NOTCH4: variants seen among roughly 807,000 people sequenced by gnomAD.
The protein encoded by NOTCH4 is notch receptor 4, also known as neurogenic locus notch homolog protein 4.
NOTCH4 carries 138 observed loss-of-function variants against 189.0 expected under a neutral mutation model. The observed-to-expected ratio is 0.73, with a 90% CI of 0.64 to 0.84. The LOEUF (loss-of-function observed/expected upper bound fraction) is 0.84, where lower values mean the gene tolerates loss of function less well. NOTCH4 is among the 40% of genes least tolerant of loss of function. The pLI is 0.00. For missense variants in NOTCH4, 2,286 were observed against 2,605.4 expected (o/e 0.88, Z 2.67); for synonymous variants, 942 against 1,032.8 (o/e 0.91, Z 1.69).
chr6:32,210,620 A>G lies in NOTCH4; in HGVS notation c.2865+132T>C. ...GATAAAGTGGCATGACTTTGTGGTT[A>G]GTTGGGTGTGTGGGGTTAAAAAAAA... is the stretch of plus-strand genomic sequence containing the variant. On this transcript the variant is annotated intron_variant, in intron 18 of 29. Coordinates refer to ENST00000375023, the MANE Select transcript of NOTCH4 (RefSeq NM_004557.4). The surrounding 1 kb of genome is among the most constrained non-coding windows in gnomAD (Gnocchi z 4.8). 1.2e-6 allele frequency: 1 copy of G among 813,396 alleles called. No individual in the cohort carries two copies. Among genetic ancestry groups the G allele is most frequent in the Non-Finnish European group, 2.0e-6 (1 of 502,498 alleles). The allele number at this position is 813,396 out of a possible 1,614,324, so 50.4% of individuals were successfully genotyped here.
At chr6:32,205,211 A>G (rs55982600) in intron 18 of NOTCH4, among the ~76,000 whole-genome samples, 1 of 151,582 alleles carries the variant, frequency 6.6e-6, no homozygotes, top group Non-Finnish European at 1.5e-5. Flanking sequence ...GAGAGCTGGA[A>G]GGAACAGGTG....
Position 32,203,669 on chromosome 6 carries a change from A to G in NOTCH4, c.3231+101T>C, listed in dbSNP as rs1165199904. 9.7e-6 allele frequency: 8 copies of G among 825,824 alleles called. No homozygotes were observed. In the South Asian group the frequency reaches 1.6e-4, roughly 17 times the overall value. 51.2% of individuals were successfully genotyped at this position (825,824 alleles called of 1,614,324 possible). Reference sequence around the variant, plus strand: ...GGCATGGCTTTTTCCAATAATTTCCACATCAGTGCTCACCCACAGTCCCTT... The same window carrying G: ...GGCATGGCTTTTTCCAATAATTTCCGCATCAGTGCTCACCCACAGTCCCTT... On this transcript the variant is annotated intron_variant, in intron 20 of 29. Transcript: ENST00000375023.
In NOTCH4 at chr6:32,195,091, C is replaced by T; in HGVS notation, c.*346G>A. ...CAGTGGGGACAATGGATCATAGGGGCACCCTTTGGAAACCATATATAGGAA... is the reference window on the plus strand; with the variant it reads ...CAGTGGGGACAATGGATCATAGGGGTACCCTTTGGAAACCATATATAGGAA... On this transcript the variant is annotated 3_prime_UTR_variant, in exon 30 of 30. Transcript: ENST00000375023. The surrounding 1 kb of genome is among the most constrained non-coding windows in gnomAD (Gnocchi z 5.4). The T allele has an allele frequency of 6.5e-6, 2 of 309,980 alleles. No individual in the cohort carries two copies. Among genetic ancestry groups the T allele is most frequent in the Non-Finnish European group, 1.2e-5 (2 of 166,848 alleles). 19.2% of individuals were successfully genotyped at this position (309,980 alleles called of 1,614,324 possible). A position where few individuals can be genotyped will look rare whatever the true frequency, so the allele number is the denominator to read the frequency against.
intron 17 of NOTCH4, among the ~76,000 whole-genome samples, chr6:32,211,258 T>TCAAACAAA (rs56957733): frequency 0.029 from 4,300 of 146,054 alleles, 75 homozygotes; most frequent in Non-Finnish European, 0.041. Context: ...AGACTCCATC[T>TCAAACAAA]CAAACAAACA....
chr6:32,219,457 G>A (rs1188481978), intron 8 of NOTCH4, 135 bp downstream of exon 8: 7 of 794,344 alleles, frequency 8.8e-6, no homozygotes, highest in South Asian at 1.8e-5. Flanking sequence ...GTTTTCGTCT[G>A]GGGGTAGAGA....
intron 1 of NOTCH4, 124 bp downstream of exon 1, chr6:32,223,732 G>A (rs1032015298): frequency 5.1e-6 from 5 of 978,142 alleles, no homozygotes; most frequent in Non-Finnish European, 7.6e-6. Flanking sequence ...CTCTATTTGG[G>A]CAGTGAGAAT....
At position 32,213,405 on chromosome 6, in the gene NOTCH4, G is replaced by A. The variant is rs206016; in HGVS notation, c.2321-153C>T. Among the ~76,000 whole-genome samples, 21,875 of 151,718 alleles carry A rather than the reference G, an allele frequency of 0.14. 1,860 individuals are homozygous for A. The highest frequency in any genetic ancestry group is 0.3 in the East Asian group (1,567 of 5,154). On this transcript the variant is annotated intron_variant, in intron 14 of 29. Transcript: ENST00000375023. The stretch of plus-strand genomic sequence containing the variant: ...ATTTTTATTTATATGATATTTTATT[G>A]TTTTTAGATAGGGTCTTGCTCTGTT...
In NOTCH4 at chr6:32,195,573, C is replaced by T. The variant is rs1369759503; in HGVS notation, c.5876G>A (p.Cys1959Tyr). 6.2e-7 allele frequency: 1 copy of T among 1,613,118 alleles called. No individual in the cohort carries two copies. The change falls in exon 30 of 30, where the codon TGC (cysteine) becomes TAC (tyrosine). Residue 1959 changes from cysteine (C) to tyrosine (Y), a missense_variant. Around this residue, in one of 2 missense-constraint regions of NOTCH4, gnomAD observed 383 missense variants for 343.5 expected, o/e 1.11. Coordinates refer to ENST00000375023, the MANE Select transcript of NOTCH4 (RefSeq NM_004557.4). This position sits in a 1 kb window ranked among gnomAD's most constrained non-coding sequence, Gnocchi z 5.4. Reference sequence around the variant, plus strand: ...GATCGGAATGTTGGAGGCAGAACCGCAAGCTCCCAGGGCCACCCAATCACA... The same window carrying T: ...GATCGGAATGTTGGAGGCAGAACCGTAAGCTCCCAGGGCCACCCAATCACA... ...WPCDWVALGA[C>Y]GSASNIPIPP...
At position 32,199,392 on chromosome 6, in the gene NOTCH4, C is replaced by T. The variant is rs1788193849; in HGVS notation, c.4316-247G>A. ...GACCAGCCTGGCCAACATGGCAAAACCCCCTCTCTACTAAAAATATAAAAA... is the reference window on the plus strand; with the variant it reads ...GACCAGCCTGGCCAACATGGCAAAATCCCCTCTCTACTAAAAATATAAAAA... On this transcript the variant is annotated intron_variant, in intron 23 of 29. Transcript: ENST00000375023. The surrounding 1 kb of genome is among the most constrained non-coding windows in gnomAD (Gnocchi z 4.9). 6.6e-6 allele frequency among the ~76,000 whole-genome samples: 1 copy of T among 152,114 alleles called. No homozygotes were observed. The highest frequency in any genetic ancestry group is 2.1e-4 in the South Asian group (1 of 4,832).
In NOTCH4 at chr6:32,195,633, C is replaced by CGGGCG; in HGVS notation, c.5815_5816insCGCCC (p.Gly1939AlafsTer59). 6.2e-7 allele frequency: 1 copy of CGGGCG among 1,612,980 alleles called. No homozygotes were observed. The highest frequency in any genetic ancestry group is 8.5e-7 in the Non-Finnish European group (1 of 1,179,954). ...ATCCGTTGAGACCCTGCCTCCGCGC[C>CGGGCG]CGGCAGCCACTCCGTATCTTCCTCG... On this transcript the variant is annotated frameshift_variant, in exon 30 of 30. Coordinates refer to ENST00000375023, the MANE Select transcript of NOTCH4 (RefSeq NM_004557.4). LOFTEE classifies it low-confidence loss of function (END_TRUNC). The surrounding 1 kb of genome is among the most constrained non-coding windows in gnomAD (Gnocchi z 5.4).
Position 32,196,991 on chromosome 6 carries a change from C to T in NOTCH4, c.5134G>A (p.Ala1712Thr), listed in dbSNP as rs1305365870. 1.2e-6 allele frequency: 2 copies of T among 1,612,932 alleles called. No homozygotes were observed. Among genetic ancestry groups the T allele is most frequent in the African/African-American group, 2.7e-5 (2 of 74,920 alleles). The change falls in exon 28 of 30, where the codon GCG (alanine) becomes ACG (threonine). Residue 1712 changes from alanine (A) to threonine (T), a missense_variant. By Grantham distance (58) the Ala-to-Thr change is moderately conservative (BLOSUM62 0). Around this residue, in one of 2 missense-constraint regions of NOTCH4, gnomAD observed 1,903 missense variants for 2,261.9 expected, o/e 0.84. Coordinates refer to ENST00000375023, the MANE Select transcript of NOTCH4 (RefSeq NM_004557.4). ...AGTTCTTCAACCAGGTCTTCCACCGCCAGCCTGGCAGCCAGCATCAAGGGT... is the reference window on the plus strand; with the variant it reads ...AGTTCTTCAACCAGGTCTTCCACCGTCAGCCTGGCAGCCAGCATCAAGGGT... ...TTPLMLAARL[A>T]VEDLVEELIA...
chr6:32,214,828 G>A (rs1031618865), intron 12 of NOTCH4, among the ~76,000 whole-genome samples: 3 of 152,114 alleles, frequency 2.0e-5, no homozygotes, highest in African/African-American at 7.2e-5. Context: ...GTTTCACCAT[G>A]TTGGCCAGGC....
chr6:32,214,583 T>A (rs528974758), intron 12 of NOTCH4, among the ~76,000 whole-genome samples: 1 of 152,098 alleles, frequency 6.6e-6, no homozygotes, highest in Admixed American at 6.6e-5. Context: ...TGCTTTGTGT[T>A]TCCCCCAGGG....
chr6:32,207,547 T>A (rs1162814538), intron 18 of NOTCH4, among the ~76,000 whole-genome samples: 3 of 150,664 alleles, frequency 2.0e-5, no homozygotes, highest in Admixed American at 6.6e-5. Flanking sequence ...TCAGTTGAAC[T>A]TGGGAGGTGG....
In NOTCH4 at chr6:32,198,806, C is replaced by G; in HGVS notation, c.4536-76G>C. The G allele has an allele frequency of 6.7e-7, 1 of 1,498,308 alleles. No individual in the cohort carries two copies. The highest frequency in any genetic ancestry group is 9.0e-7 in the Non-Finnish European group (1 of 1,107,076). The allele number at this position is 1,498,308 out of a possible 1,614,324, so 92.8% of individuals were successfully genotyped here. On this transcript the variant is annotated intron_variant, in intron 24 of 29. Coordinates refer to ENST00000375023, the MANE Select transcript of NOTCH4 (RefSeq NM_004557.4). The surrounding 1 kb of genome is among the most constrained non-coding windows in gnomAD (Gnocchi z 5.5). Reference sequence around the variant, plus strand: ...TCTCCAAAATTTCCAGCAGGCTTCCCACCCCTCTCTCCTTCCCCTATCTTT... The same window carrying G: ...TCTCCAAAATTTCCAGCAGGCTTCCGACCCCTCTCTCCTTCCCCTATCTTT...
rs1789488282 is a variant in NOTCH4 at position 32,217,468 on chromosome 6, G to T, written c.1625-202C>A. On this transcript the variant is annotated intron_variant, in intron 9 of 29. Transcript: ENST00000375023. The surrounding 1 kb of genome is among the most constrained non-coding windows in gnomAD (Gnocchi z 4.2). Reference sequence around the variant, plus strand: ...CAGCTGTGTGACTTTGGGCAAGCTGGTCAACCCTCTAGGCCCCAGTTTCCT... The same window carrying T: ...CAGCTGTGTGACTTTGGGCAAGCTGTTCAACCCTCTAGGCCCCAGTTTCCT... Among the ~76,000 whole-genome samples the T allele has an allele frequency of 6.6e-6, 1 of 152,162 alleles. No individual in the cohort carries two copies. Among genetic ancestry groups the T allele is most frequent in the African/African-American group, 2.4e-5 (1 of 41,432 alleles).
chr6:32,211,392 C>T (rs552648100), intron 17 of NOTCH4, among the ~76,000 whole-genome samples: 5 of 151,170 alleles, frequency 3.3e-5, no homozygotes, highest in Admixed American at 3.3e-4. Context: ...GAGTTCGAGA[C>T]CAGTCTGGCC....
Position 32,213,124 on chromosome 6 carries a change from GC to G in NOTCH4, c.2438+10del. 2 of 1,599,762 alleles carry G rather than the reference GC, an allele frequency of 1.3e-6. No homozygotes were observed. Among genetic ancestry groups the G allele is most frequent in the Non-Finnish European group, 1.7e-6 (2 of 1,167,386 alleles). On this transcript the variant is annotated intron_variant, in intron 15 of 29. Coordinates refer to ENST00000375023, the MANE Select transcript of NOTCH4 (RefSeq NM_004557.4). ...TTTTCTCCCTTCTAGGGGTCTTTGGGCCCTGCTCACCTGTCTGCACAGCTGG... is the reference window on the plus strand; with the variant it reads ...TTTTCTCCCTTCTAGGGGTCTTTGGGCCTGCTCACCTGTCTGCACAGCTGG...
In NOTCH4 at chr6:32,217,135, G is replaced by A. The variant is rs757056971; in HGVS notation, c.1738+18C>T. 5.6e-6 allele frequency: 9 copies of A among 1,612,822 alleles called. No homozygotes were observed. The highest frequency in any genetic ancestry group is 7.6e-6 in the Non-Finnish European group (9 of 1,179,764). ...CCTCCTGCTCCCGCTGTCCCCCACA[G>A]TGTGTGCCCCAGTTTACCTGGGAGA... On this transcript the variant is annotated intron_variant, in intron 10 of 29. Transcript: ENST00000375023. This position sits in a 1 kb window ranked among gnomAD's most constrained non-coding sequence, Gnocchi z 4.2.
Sources: allele counts gnomAD v4.1 joint callset (sites outside exome capture counted in the v4.1 genomes callset), GRCh38; gene constraint gnomAD v4.1.1; regional missense constraint gnomAD v4.1.1; non-coding constraint Gnocchi (gnomAD v3.1); transcripts MANE v1.5; gene names NCBI Gene and HGNC (gene_info 2026-07-23, HGNC 2026-07-21).